The following CACHD1 variants were observed in gnomAD, a reference collection of about 807,000 sequenced individuals.
CACHD1 encodes VWFA and cache domain-containing protein 1.
Under a neutral mutation model 138.7 loss-of-function variants are expected in CACHD1, and 71 were observed. The observed-to-expected ratio is 0.51, with a 90% CI of 0.42 to 0.62. The LOEUF is 0.62. CACHD1 is among the 20% of genes least tolerant of loss of function. The probability of loss-of-function intolerance (pLI) is 0.00; values close to 1 mark genes in which losing one functional copy is unlikely to be tolerated. For missense variants in CACHD1, 1,389 were observed against 1,625.3 expected (o/e 0.85, Z 2.50); for synonymous variants, 578 against 591.5 (o/e 0.98, Z 0.33).
At chr1:64,582,537 A>C (rs1647021185) in intron 3 of CACHD1, among the ~76,000 whole-genome samples, 1 of 152,164 alleles carries the variant, frequency 6.6e-6, no homozygotes, top group African/African-American at 2.4e-5. Flanking sequence ...CTCCTGATGA[A>C]ATGCAAGTTG....
At chr1:64,506,905 C>T (rs1049925487) in intron 1 of CACHD1, among the ~76,000 whole-genome samples, 74 of 152,166 alleles carry the variant, frequency 4.9e-4, no homozygotes, top group African/African-American at 1.7e-3. Flanking sequence ...CAGTTAGGAA[C>T]CTATAGTTGT....
chr1:64,543,402 C>CAT (rs140966471), intron 1 of CACHD1, among the ~76,000 whole-genome samples: 49,197 of 126,592 alleles, frequency 0.39, 10,033 homozygotes, highest in East Asian at 0.72. Flanking sequence ...AAAAAAAATA[C>CAT]ATATATATAT....
intron 14 of CACHD1, 52 bp from the exon 15 acceptor site, chr1:64,664,446 C>A: frequency 1.3e-6 from 2 of 1,564,804 alleles, no homozygotes; most frequent in South Asian, 1.1e-5. Context: ...AGCCCACTCT[C>A]TTTTCATGTG....
intron 12 of CACHD1, among the ~76,000 whole-genome samples, chr1:64,658,289 C>A (rs191757444): frequency 6.6e-6 from 1 of 152,282 alleles, no homozygotes; most frequent in Admixed American, 6.5e-5. Flanking sequence ...GAAAAATAGT[C>A]AATTCTCAGA....
chr1:64,654,911 C>G, intron 12 of CACHD1, 108 bp downstream of exon 12: 1 of 732,186 alleles, frequency 1.4e-6, no homozygotes, highest in Non-Finnish European at 2.4e-6. Context: ...TAATTTGTCT[C>G]GTAATGTGAC....
intron 1 of CACHD1, among the ~76,000 whole-genome samples, chr1:64,502,985 T>C (rs1646348434): frequency 6.6e-6 from 1 of 152,206 alleles, no homozygotes; most frequent in South Asian, 2.1e-4. Flanking sequence ...ATTACTTTTT[T>C]TATTTAGTTG....
chr1:64,473,726 T>C (rs1646159021), intron 1 of CACHD1, among the ~76,000 whole-genome samples: 1 of 152,226 alleles, frequency 6.6e-6, no homozygotes, highest in African/African-American at 2.4e-5. Flanking sequence ...TATAGGCCTC[T>C]TTATATGTAA....
At chr1:64,627,370 G>A (rs1648145574) in intron 4 of CACHD1, among the ~76,000 whole-genome samples, 1 of 152,136 alleles carries the variant, frequency 6.6e-6, no homozygotes. Context: ...TTACACCACT[G>A]CATTCCCACC....
At chr1:64,502,735 G>A (rs1646347365) in intron 1 of CACHD1, among the ~76,000 whole-genome samples, 1 of 152,134 alleles carries the variant, frequency 6.6e-6, no homozygotes, top group South Asian at 2.1e-4. Context: ...GTGAGGAGAG[G>A]TTGAAAATTT....
intron 13 of CACHD1, among the ~76,000 whole-genome samples, chr1:64,659,237 C>A (rs1649365487): frequency 6.6e-6 from 1 of 152,096 alleles, no homozygotes; most frequent in Admixed American, 6.5e-5. Flanking sequence ...AGAGTTTGCC[C>A]AGACTCTAAA....
At chr1:64,628,040 A>T (rs1294889729) in intron 4 of CACHD1, among the ~76,000 whole-genome samples, 2 of 152,210 alleles carry the variant, frequency 1.3e-5, no homozygotes, top group Non-Finnish European at 1.5e-5. Context: ...CAGTTTCTTC[A>T]ATGCAATCTG....
At chr1:64,500,236 G>C (rs2100320116) in intron 1 of CACHD1, among the ~76,000 whole-genome samples, 1 of 152,238 alleles carries the variant, frequency 6.6e-6, no homozygotes, top group Non-Finnish European at 1.5e-5. Flanking sequence ...TACCTGCAAG[G>C]GAGCTGGAGT....
chr1:64,519,481 G>A (rs975070058), intron 1 of CACHD1, among the ~76,000 whole-genome samples: 1 of 152,176 alleles, frequency 6.6e-6, no homozygotes, highest in Admixed American at 6.5e-5. Context: ...CTTAGTAATA[G>A]GGAACTGATT....
chr1:64,654,897 C>A, intron 12 of CACHD1, 94 bp downstream of exon 12: 1 of 872,768 alleles, frequency 1.1e-6, no homozygotes, highest in Non-Finnish European at 1.9e-6. Flanking sequence ...GCACTTGGGT[C>A]TGATAATTTG....
chr1:64,560,638 A>C (rs909986490), intron 2 of CACHD1, among the ~76,000 whole-genome samples: 5 of 152,032 alleles, frequency 3.3e-5, no homozygotes, highest in African/African-American at 1.2e-4. Flanking sequence ...GTCTTGGTGG[A>C]TATACCAAGT....
chr1:64,670,552 A>G (rs189602778), intron 16 of CACHD1, among the ~76,000 whole-genome samples: 7 of 152,314 alleles, frequency 4.6e-5, no homozygotes, highest in African/African-American at 4.8e-5. Context: ...CCAGTTACCC[A>G]TGAGCATAGA....
At chr1:64,580,467 T>C (rs1332302585) in intron 2 of CACHD1, among the ~76,000 whole-genome samples, 1 of 152,018 alleles carries the variant, frequency 6.6e-6, no homozygotes, top group African/African-American at 2.4e-5. Flanking sequence ...AAAGAAAAAA[T>C]AAATTGGTCA....
rs780952436 is a variant in CACHD1, at chr1:64,589,801, G to A, written c.410+7497G>A. Among the ~76,000 whole-genome samples the A allele has an allele frequency of 2.4e-4, 36 of 152,224 alleles. 1 individual carries two copies. In the South Asian group the frequency reaches 3.5e-3, roughly 15 times the overall value. On this transcript the variant is annotated intron_variant, in intron 3 of 26. Coordinates refer to ENST00000651257, the MANE Select transcript of CACHD1 (RefSeq NM_020925.4). ...CACAGAAACATCTAAAATAGTGTTT[G>A]GCCAAACCTATCTGGGTAACATAGC...
At chr1:64,565,111 A>G (rs1036804387) in intron 2 of CACHD1, among the ~76,000 whole-genome samples, 22 of 150,648 alleles carry the variant, frequency 1.5e-4, no homozygotes, top group East Asian at 3.9e-4. Context: ...TTTGTTTACA[A>G]TTTACCTACT....
Sources: allele counts gnomAD v4.1 joint callset (sites outside exome capture counted in the v4.1 genomes callset), GRCh38; gene constraint gnomAD v4.1.1; transcripts MANE v1.5; gene names NCBI Gene and HGNC (gene_info 2026-07-23, HGNC 2026-07-21).